MDFIC2: variants seen among roughly 807,000 people sequenced by gnomAD.
MDFIC2 encodes the protein myoD family inhibitor domain-containing protein 2.
chr3:70,250,898 C>T lies in MDFIC2; in HGVS notation c.89-44108G>A, dbSNP rs935169497. Among the ~76,000 whole-genome samples, 14 of 152,248 alleles carry T rather than the reference C, an allele frequency of 9.2e-5. No homozygotes were observed. The South Asian group carries it at 1.0e-3, about 11-fold the overall frequency. On this transcript the variant is annotated intron_variant, in intron 2 of 3. Transcript: ENST00000567252. ...AAGGCTTCATCAAAAATATATAGTA[C>T]ATTTGGCTGAAAAAAATGGTCTCCA...
intron 2 of MDFIC2, among the ~76,000 whole-genome samples, chr3:70,214,205 A>G (rs1365906747): frequency 6.6e-6 from 1 of 152,124 alleles, no homozygotes; most frequent in Non-Finnish European, 1.5e-5. Context: ...TAAGATACAT[A>G]TATTTGACAT....
intron 2 of MDFIC2, among the ~76,000 whole-genome samples, chr3:70,225,091 T>C (rs2106739788): frequency 6.6e-6 from 1 of 152,272 alleles, no homozygotes; most frequent in East Asian, 1.9e-4. Context: ...ACAGAATAAA[T>C]ATATGGTAGA....
chr3:70,311,928 G>A lies in MDFIC2; in HGVS notation c.46C>T (p.His16Tyr), dbSNP rs1228023216. ...LEKIKVRTAE[H>Y]LENDKNNISW... ...ATGTTATTTTTATCATTTTCTAAAT[G>A]CTCAGCTGTTCTTACTTTTATCTTT... The change falls in exon 2 of 4, where the codon CAT (histidine) becomes TAT (tyrosine). Residue 16 changes from histidine to tyrosine, a missense_variant. Coordinates refer to ENST00000567252, the MANE Select transcript of MDFIC2 (RefSeq NM_001364677.1). The A allele has an allele frequency of 2.5e-6, 1 of 397,628 alleles. No individual in the cohort carries two copies. Among genetic ancestry groups the A allele is most frequent in the African/African-American group, 2.1e-5 (1 of 48,578 alleles). 24.6% of individuals were successfully genotyped at this position (397,628 alleles called of 1,614,324 possible). A position where few individuals can be genotyped will look rare whatever the true frequency, so the allele number is the denominator to read the frequency against.
intron 2 of MDFIC2, among the ~76,000 whole-genome samples, chr3:70,295,622 G>A (rs968109121): frequency 6.6e-6 from 1 of 152,132 alleles, no homozygotes; most frequent in Non-Finnish European, 1.5e-5. Flanking sequence ...AGCCCAAGAG[G>A]TTGAGCCTGC....
rs114334690 is a variant in MDFIC2 at position 70,236,070 on chromosome 3, C to T, written c.89-29280G>A. 6.5e-3 allele frequency among the ~76,000 whole-genome samples: 990 copies of T among 152,246 alleles called. 6 individuals are homozygous for T. Among genetic ancestry groups the T allele is most frequent in the African/African-American group, 0.023 (942 of 41,554 alleles). ...TTCTCTTAATGAATAATCTTTCCCA[C>T]GACCTTGGCTTTAGCTCTCTTCACT... On this transcript the variant is annotated intron_variant, in intron 2 of 3. Coordinates refer to ENST00000567252, the MANE Select transcript of MDFIC2 (RefSeq NM_001364677.1).
chr3:70,219,450 AC>A (rs1701442571), intron 2 of MDFIC2, among the ~76,000 whole-genome samples: 1 of 152,142 alleles, frequency 6.6e-6, no homozygotes, highest in South Asian at 2.1e-4. Context: ...GTTCTTTGTC[AC>A]CTTAACTGAT....
At chr3:70,240,141 A>G (rs1701652571) in intron 2 of MDFIC2, among the ~76,000 whole-genome samples, 1 of 152,140 alleles carries the variant, frequency 6.6e-6, no homozygotes, top group Non-Finnish European at 1.5e-5. Context: ...AATTTTTAAA[A>G]TAAGAGACGT....
intron 2 of MDFIC2, among the ~76,000 whole-genome samples, chr3:70,297,201 T>G (rs1176272503): frequency 1.3e-5 from 2 of 152,270 alleles, no homozygotes; most frequent in Admixed American, 1.3e-4. Flanking sequence ...AATAAGTGTA[T>G]GAATTATTTT....
In MDFIC2 at chr3:70,194,794, C is replaced by T. The variant is rs887765995; in HGVS notation, c.*2132G>A. Among the ~76,000 whole-genome samples, 1 of 152,120 alleles carries T rather than the reference C, an allele frequency of 6.6e-6. No individual in the cohort carries two copies. Among genetic ancestry groups the T allele is most frequent in the Non-Finnish European group, 1.5e-5 (1 of 68,012 alleles). On this transcript the variant is annotated 3_prime_UTR_variant, in exon 4 of 4. Coordinates refer to ENST00000567252, the MANE Select transcript of MDFIC2 (RefSeq NM_001364677.1). ...ATTGAAATATTTAACACCAATATGG[C>T]ATGGCCTCACCAATGATACCAGGTA... is the stretch of plus-strand genomic sequence containing the variant.
At chr3:70,308,664 A>G (rs1394287423) in intron 2 of MDFIC2, among the ~76,000 whole-genome samples, 9 of 152,062 alleles carry the variant, frequency 5.9e-5, no homozygotes. Context: ...AGTGCAGGAG[A>G]GTATTTCTTT....
At chr3:70,219,288 T>C (rs965774417) in intron 2 of MDFIC2, among the ~76,000 whole-genome samples, 5 of 152,204 alleles carry the variant, frequency 3.3e-5, no homozygotes, top group Non-Finnish European at 5.9e-5. Flanking sequence ...CCAATCAGTC[T>C]AGCACTTACA....
chr3:70,219,985 G>A (rs1274379447), intron 2 of MDFIC2, among the ~76,000 whole-genome samples: 2 of 152,018 alleles, frequency 1.3e-5, no homozygotes. Context: ...CTAAAATTTA[G>A]TAAAAAGAGA....
In MDFIC2 at chr3:70,285,926, T is replaced by G. The variant is rs1000985301; in HGVS notation, c.88+25960A>C. 2.6e-5 allele frequency among the ~76,000 whole-genome samples: 4 copies of G among 151,304 alleles called. No homozygotes were observed. The South Asian group carries it at 6.3e-4, about 24-fold the overall frequency. On this transcript the variant is annotated intron_variant, in intron 2 of 3. Transcript: ENST00000567252. ...GGTTGTTTGTTTTTTTCTTGTAAAT[T>G]TGTTTGAGTTCATTGTAGATTCTGG...
intron 2 of MDFIC2, among the ~76,000 whole-genome samples, chr3:70,227,353 C>G (rs1701517368): frequency 6.6e-6 from 1 of 152,144 alleles, no homozygotes; most frequent in African/African-American, 2.4e-5. Flanking sequence ...TTTTTCCATA[C>G]CACTTCTTAC....
chr3:70,299,556 C>G (rs1394062806), intron 2 of MDFIC2, among the ~76,000 whole-genome samples: 1 of 152,132 alleles, frequency 6.6e-6, no homozygotes, highest in East Asian at 1.9e-4. Flanking sequence ...CCTTAATATC[C>G]AGTCCATGGC....
At chr3:70,272,978 C>T (rs1025663958) in intron 2 of MDFIC2, among the ~76,000 whole-genome samples, 7 of 152,164 alleles carry the variant, frequency 4.6e-5, no homozygotes, top group East Asian at 1.9e-4. Flanking sequence ...GGCATCTTTT[C>T]GGCTTCAGTC....
intron 3 of MDFIC2, 45 bp from the exon 4 acceptor site, chr3:70,197,230 G>T (rs559125084): frequency 1.3e-4 from 52 of 398,218 alleles, no homozygotes; most frequent in African/African-American, 8.4e-4. Flanking sequence ...ATCTGGGGGC[G>T]TCTATGAAGG....
At chr3:70,220,217 G>T (rs555636815) in intron 2 of MDFIC2, among the ~76,000 whole-genome samples, 1 of 152,110 alleles carries the variant, frequency 6.6e-6, no homozygotes, top group Non-Finnish European at 1.5e-5. Context: ...TGTCTTTTCT[G>T]TGTGAGAGTA....
At chr3:70,223,559 C>T (rs1425662574) in intron 2 of MDFIC2, among the ~76,000 whole-genome samples, 4 of 152,092 alleles carry the variant, frequency 2.6e-5, no homozygotes, top group Non-Finnish European at 5.9e-5. Flanking sequence ...TTGTCTCCCC[C>T]ACCAAAAATG....
Sources: allele counts gnomAD v4.1 joint callset (sites outside exome capture counted in the v4.1 genomes callset), GRCh38; gene constraint gnomAD v4.1.1; transcripts MANE v1.5; gene names NCBI Gene and HGNC (gene_info 2026-07-23, HGNC 2026-07-21).